CEP85L: variants seen among roughly 807,000 people sequenced by gnomAD.
The protein encoded by CEP85L is centrosomal protein 85L, also known as centrosomal protein of 85 kDa-like.
In CEP85L, 60 loss-of-function variants were observed where a neutral mutation model predicts 100.3. The observed-to-expected ratio is 0.60, with a 90% confidence interval of 0.49 to 0.74. The LOEUF is 0.74. Among genes scored for constraint, CEP85L ranks in the 30% least tolerant of loss-of-function variants. The pLI, the probability that CEP85L is intolerant of heterozygous loss-of-function variation, is 0.00. For missense variants in CEP85L, 973 were observed against 936.2 expected (o/e 1.04, Z -0.51); for synonymous variants, 319 against 322.7 (o/e 0.99, Z 0.12).
intron 3 of CEP85L, among the ~76,000 whole-genome samples, chr6:118,534,593 T>C (rs1383771136): frequency 3.9e-5 from 6 of 152,016 alleles, no homozygotes; most frequent in East Asian, 1.9e-4. Flanking sequence ...GCAGAGGTTG[T>C]ATTATTGACA....
intron 1 of CEP85L, among the ~76,000 whole-genome samples, chr6:118,659,087 C>T (rs2115402921): frequency 6.6e-6 from 1 of 152,284 alleles, no homozygotes; most frequent in Admixed American, 6.5e-5. Context: ...CCAATCTCTA[C>T]TTTCATTATA....
chr6:118,499,877 GCTAA>G (rs1775165314), intron 5 of CEP85L, among the ~76,000 whole-genome samples: 1 of 152,038 alleles, frequency 6.6e-6, no homozygotes. Flanking sequence ...TACTGGAAGT[GCTAA>G]CTAATGCAAT....
At chr6:118,606,595 A>G (rs1772238505) in intron 2 of CEP85L, among the ~76,000 whole-genome samples, 1 of 152,258 alleles carries the variant, frequency 6.6e-6, no homozygotes, top group Admixed American at 6.5e-5. Context: ...AGGGGAGACC[A>G]AAAGTACTGC....
intron 2 of CEP85L, among the ~76,000 whole-genome samples, chr6:118,617,620 G>A (rs1171273899): frequency 2.6e-5 from 4 of 152,148 alleles, no homozygotes; most frequent in African/African-American, 7.2e-5. Flanking sequence ...GCAATCACCC[G>A]AGCTAGCAGT....
chr6:118,585,130 G>GTGTC (rs1780784547), intron 2 of CEP85L, among the ~76,000 whole-genome samples: 1 of 152,200 alleles, frequency 6.6e-6, no homozygotes, highest in South Asian at 2.1e-4. Flanking sequence ...CACTGAAAGT[G>GTGTC]TGTCACTCCC....
chr6:118,631,425 C>G (rs1223297602), intron 2 of CEP85L, among the ~76,000 whole-genome samples: 1 of 152,142 alleles, frequency 6.6e-6, no homozygotes, highest in Non-Finnish European at 1.5e-5. Flanking sequence ...TCTTTAAAAT[C>G]TAAATATGCT....
chr6:118,690,944 T>C (rs1583263709), intron 1 of CEP85L, among the ~76,000 whole-genome samples: 1 of 150,826 alleles, frequency 6.6e-6, no homozygotes, highest in Admixed American at 6.6e-5. Context: ...GCTAGAGTGA[T>C]TGTTATCACA....
intron 1 of CEP85L, among the ~76,000 whole-genome samples, chr6:118,675,900 T>C (rs1776467066): frequency 6.6e-6 from 1 of 152,170 alleles, no homozygotes; most frequent in Admixed American, 6.5e-5. Flanking sequence ...TGGAAGACGA[T>C]GATGGATCTA....
intron 1 of CEP85L, among the ~76,000 whole-genome samples, chr6:118,698,112 C>T (rs1269563081): frequency 1.3e-5 from 2 of 152,152 alleles, no homozygotes; most frequent in Non-Finnish European, 1.5e-5. Flanking sequence ...CCTTTCAGAT[C>T]ACTCAAGAAA....
At chr6:118,692,526 C>CAA (rs1263636731) in intron 1 of CEP85L, among the ~76,000 whole-genome samples, 1 of 152,098 alleles carries the variant, frequency 6.6e-6, no homozygotes, top group Middle Eastern at 3.2e-3. Context: ...GATGCTCTCT[C>CAA]ATTGACTACT....
upstream of CEP85L, among the ~76,000 whole-genome samples, chr6:118,654,872 A>G (rs963649337): frequency 5.3e-5 from 8 of 152,234 alleles, no homozygotes; most frequent in African/African-American, 1.9e-4. Flanking sequence ...AGACAAACAT[A>G]CAATTTAGAA....
chr6:118,552,304 T>C (rs1778595165), intron 3 of CEP85L, among the ~76,000 whole-genome samples: 1 of 152,018 alleles, frequency 6.6e-6, no homozygotes, highest in African/African-American at 2.4e-5. Flanking sequence ...ATACTGAAGT[T>C]TGAGAAGTTC....
intron 2 of CEP85L, among the ~76,000 whole-genome samples, chr6:118,621,844 AG>A (rs1773464697): frequency 1.3e-5 from 2 of 152,214 alleles, no homozygotes; most frequent in Non-Finnish European, 2.9e-5. Context: ...CCCTGGATAC[AG>A]TGAGAAGGCC....
chr6:118,564,834 G>A (rs1233867965), intron 3 of CEP85L, among the ~76,000 whole-genome samples: 2 of 152,058 alleles, frequency 1.3e-5, no homozygotes, highest in Non-Finnish European at 2.9e-5. Context: ...ACAAGCTACA[G>A]AAAATTGTCT....
intron 1 of CEP85L, 135 bp downstream of exon 1, chr6:118,651,062 C>A: frequency 7.6e-7 from 1 of 1,315,312 alleles, no homozygotes; most frequent in East Asian, 3.1e-5. Context: ...GGGGAGGACA[C>A]TGGGCACGCG....
intron 6 of CEP85L, among the ~76,000 whole-genome samples, chr6:118,490,644 G>C (rs1774493411): frequency 6.6e-6 from 1 of 152,104 alleles, no homozygotes; most frequent in Admixed American, 6.5e-5. Context: ...TCTTGTACAA[G>C]AACGTTCACA....
upstream of CEP85L, among the ~76,000 whole-genome samples, chr6:118,656,019 G>T (rs1043887665): frequency 8.5e-5 from 13 of 152,122 alleles, no homozygotes; most frequent in Non-Finnish European, 1.9e-4. Flanking sequence ...AAAATTAGAA[G>T]ATTTCTTTTC....
At chr6:118,581,155 G>A (rs565399526) in intron 2 of CEP85L, among the ~76,000 whole-genome samples, 2 of 152,120 alleles carry the variant, frequency 1.3e-5, no homozygotes, top group Non-Finnish European at 2.9e-5. Context: ...GAAATTAAAT[G>A]TCTTCCATAG....
chr6:118,466,028 G>C (rs1772492307), intron 12 of CEP85L, among the ~76,000 whole-genome samples: 2 of 152,086 alleles, frequency 1.3e-5, no homozygotes, highest in African/African-American at 4.8e-5. Context: ...CACACACACA[G>C]AGGGAGAGCG....
Sources: allele counts gnomAD v4.1 joint callset (sites outside exome capture counted in the v4.1 genomes callset), GRCh38; gene constraint gnomAD v4.1.1; transcripts MANE v1.5; gene names NCBI Gene and HGNC (gene_info 2026-07-23, HGNC 2026-07-21).